Variants in ACTR3C observed in about 807,000 individuals in gnomAD.
ACTR3C encodes the protein actin related protein 3C, also known as actin-related protein 3C.
A neutral mutation model predicts 26.3 loss-of-function variants in ACTR3C; 18 were observed. That is an observed-to-expected ratio of 0.68 (90% CI 0.47 to 1.01). ACTR3C has a LOEUF of 1.01. Ranked by LOEUF, ACTR3C falls within the 50% of genes least tolerant of loss-of-function variation. ACTR3C has a pLI of 0.00. For synonymous variants in ACTR3C, 55 were observed against 94.5 expected, an observed-to-expected ratio of 0.58 and a Z score of 2.42; for missense variants, 184 against 250.7, an observed-to-expected ratio of 0.73 and a Z score of 1.80.
the ACTR3C span, among the ~76,000 whole-genome samples, chr7:149,979,139 A>C: frequency 1.3e-5 from 2 of 152,222 alleles, no homozygotes; most frequent in Admixed American, 1.3e-4. Flanking sequence ...TGATCAGTTA[A>C]TTTACACTCA....
the ACTR3C span, among the ~76,000 whole-genome samples, chr7:149,983,449 GTA>G: frequency 4.3e-5 from 1 of 23,322 alleles, no homozygotes; most frequent in African/African-American, 1.5e-4. Context: ...GTGTGTGTGT[GTA>G]TATATATATA....
chr7:150,228,925 C>T, the ACTR3C span, among the ~76,000 whole-genome samples: 1 of 150,456 alleles, frequency 6.6e-6, no homozygotes, highest in Non-Finnish European at 1.5e-5. Flanking sequence ...TGTAACTTTG[C>T]TATACTACTG....
chr7:150,127,161 C>G, the ACTR3C span, among the ~76,000 whole-genome samples: 5 of 101,484 alleles, frequency 4.9e-5, no homozygotes, highest in Non-Finnish European at 1.2e-4. Context: ...CACACACACA[C>G]ACACACACAC....
At chr7:150,044,765 G>A in the ACTR3C span, 1 of 152,170 alleles carries the variant, frequency 6.6e-6, no homozygotes, top group Non-Finnish European at 1.5e-5. Flanking sequence ...AAGACAACAG[G>A]TACAAAGCCC....
chr7:149,913,373 G>A, the ACTR3C span, among the ~76,000 whole-genome samples: 210 of 152,316 alleles, frequency 1.4e-3, no homozygotes, highest in Non-Finnish European at 2.2e-3. Context: ...ACTAGTCACT[G>A]AGCCGTACTC....
At chr7:150,261,520 G>A (rs1415214299) in intron 6 of ACTR3C, among the ~76,000 whole-genome samples, 1 of 152,228 alleles carries the variant, frequency 6.6e-6, no homozygotes, top group Non-Finnish European at 1.5e-5. Context: ...GGCCAACATG[G>A]TGAAACCCCG....
the ACTR3C span, among the ~76,000 whole-genome samples, chr7:150,011,242 G>A: frequency 1.3e-5 from 2 of 152,022 alleles, no homozygotes; most frequent in Non-Finnish European, 2.9e-5. Flanking sequence ...CCAGGACAAT[G>A]CAATGTTTTC....
the ACTR3C span, among the ~76,000 whole-genome samples, chr7:150,168,194 G>A: frequency 1.3e-4 from 19 of 150,810 alleles, no homozygotes; most frequent in African/African-American, 4.5e-4. Flanking sequence ...GAGGAGGTGA[G>A]GGGTGGCCAA....
At chr7:150,260,824 A>G (rs1328072586) in intron 6 of ACTR3C, among the ~76,000 whole-genome samples, 13 of 152,166 alleles carry the variant, frequency 8.5e-5, no homozygotes, top group Admixed American at 6.5e-5. Context: ...AACTTTATTA[A>G]CAGAACCCTG....
At chr7:150,035,712 G>A in the ACTR3C span, among the ~76,000 whole-genome samples, 1 of 139,056 alleles carries the variant, frequency 7.2e-6, no homozygotes, top group Admixed American at 6.9e-5. Flanking sequence ...TCCTAAGCCA[G>A]GGGGTGAAGA....
the ACTR3C span, among the ~76,000 whole-genome samples, chr7:150,172,970 C>T: frequency 2.0e-5 from 3 of 148,848 alleles, 1 homozygote; most frequent in African/African-American, 5.2e-5. Context: ...CCACTCCTGT[C>T]GCTTGGCAGG....
At chr7:150,132,790 C>T in the ACTR3C span, among the ~76,000 whole-genome samples, 2 of 152,132 alleles carry the variant, frequency 1.3e-5, no homozygotes, top group South Asian at 2.1e-4. Flanking sequence ...CCAAAAGATA[C>T]GTGTATGCAT....
chr7:150,069,546 A>G, the ACTR3C span, among the ~76,000 whole-genome samples: 10,059 of 151,764 alleles, frequency 0.066, 435 homozygotes, highest in Middle Eastern at 0.12. Context: ...GATTGTATTC[A>G]CCCTGGGGGA....
At chr7:150,286,607 T>C in intron 4 of ACTR3C, 67 bp from the exon 5 acceptor site, 1 of 1,580,844 alleles carries the variant, frequency 6.3e-7, no homozygotes, top group Non-Finnish European at 8.6e-7. Context: ...CTCAGACAAA[T>C]AACCAGGAAG....
chr7:150,224,334 T>G, the ACTR3C span, among the ~76,000 whole-genome samples: 1 of 152,238 alleles, frequency 6.6e-6, no homozygotes, highest in Non-Finnish European at 1.5e-5. Context: ...TCTTTCAAGA[T>G]TGCCAAAAGT....
chr7:149,894,307 G>A, the ACTR3C span, among the ~76,000 whole-genome samples: 2 of 152,086 alleles, frequency 1.3e-5, no homozygotes, highest in Non-Finnish European at 2.9e-5. Flanking sequence ...AGAAGAAAAC[G>A]GTAAAATGCT....
At chr7:150,235,421 G>C in the ACTR3C span, among the ~76,000 whole-genome samples, 133 of 152,256 alleles carry the variant, frequency 8.7e-4, no homozygotes, top group African/African-American at 3.1e-3. Context: ...TTCTGTCCTT[G>C]CTTCTCTGCA....
chr7:150,289,426 A>G (rs2286445), intron 4 of ACTR3C, 24 bp downstream of exon 4: 85,414 of 1,475,272 alleles, frequency 0.058, 13,143 homozygotes, highest in African/African-American at 0.41. Context: ...CCCCCAAACC[A>G]GCCGGTTTCC....
chr7:150,035,912 CG>C, the ACTR3C span, among the ~76,000 whole-genome samples: 651 of 75,762 alleles, frequency 8.6e-3, 63 homozygotes, highest in Non-Finnish European at 0.011. Flanking sequence ...CCCACCCTCG[CG>C]GGGGGTGCCT....
Sources: allele counts gnomAD v4.1 joint callset (sites outside exome capture counted in the v4.1 genomes callset), GRCh38; gene constraint gnomAD v4.1.1; transcripts MANE v1.5; gene names NCBI Gene and HGNC (gene_info 2026-07-23, HGNC 2026-07-21).